PLA2G12A: variants seen among roughly 807,000 people sequenced by gnomAD.
PLA2G12A encodes the protein group XIIA secretory phospholipase A2.
Under a neutral mutation model 16.0 loss-of-function variants are expected in PLA2G12A, and 11 were observed. That is an observed-to-expected ratio of 0.69 (90% CI 0.43 to 1.13). The LOEUF (loss-of-function observed/expected upper bound fraction) is 1.13, where lower values mean the gene tolerates loss of function less well. Among genes scored for constraint, PLA2G12A ranks in the 50% most tolerant of loss-of-function variants. The pLI, the probability that PLA2G12A is intolerant of heterozygous loss-of-function variation, is 0.00. For synonymous variants in PLA2G12A, 77 were observed against 93.8 expected (o/e 0.82, Z 1.03); for missense variants, 214 against 237.3 (o/e 0.90, Z 0.65).
chr4:109,722,662 G>A (rs1722826142), intron 1 of PLA2G12A, among the ~76,000 whole-genome samples: 1 of 152,216 alleles, frequency 6.6e-6, no homozygotes, highest in Non-Finnish European at 1.5e-5. Context: ...AAGCCACCCA[G>A]TTTAAGGCAT....
intron 3 of PLA2G12A, among the ~76,000 whole-genome samples, chr4:109,717,088 G>A (rs974568112): frequency 3.9e-5 from 6 of 152,178 alleles, no homozygotes; most frequent in African/African-American, 1.4e-4. Context: ...ACTAGAAAAT[G>A]AGTCCTTATC....
Position 109,714,041 on chromosome 4 carries a change from T to C in PLA2G12A, c.*336A>G. 5.0e-6 allele frequency: 1 copy of C among 200,144 alleles called. No individual in the cohort carries two copies. Among genetic ancestry groups the C allele is most frequent in the Non-Finnish European group, 1.0e-5 (1 of 98,200 alleles). 12.4% of individuals were successfully genotyped at this position (200,144 alleles called of 1,614,324 possible). A position where few individuals can be genotyped will look rare whatever the true frequency, so the allele number is the denominator to read the frequency against. On this transcript the variant is annotated 3_prime_UTR_variant, in exon 4 of 4. Coordinates refer to ENST00000243501, the MANE Select transcript of PLA2G12A (RefSeq NM_030821.5). The stretch of plus-strand genomic sequence containing the variant: ...TGATGAATTTTATATTTGATCTCTT[T>C]TTTTGGTAAATGTGGTTGTGAAAAT...
intron 3 of PLA2G12A, among the ~76,000 whole-genome samples, chr4:109,715,415 T>C (rs139141463): frequency 2.6e-5 from 4 of 152,222 alleles, no homozygotes; most frequent in Non-Finnish European, 5.9e-5. Context: ...TATGGGAGCA[T>C]ATAAATCAAA....
chr4:109,711,969 G>A lies in PLA2G12A; in HGVS notation c.*2408C>T, dbSNP rs1730738915. ...AAACATCAGACAAACCCAAATTGAG[G>A]AATATTCTACAAAACACCTGACCAG... On this transcript the variant is annotated 3_prime_UTR_variant, in exon 4 of 4. Coordinates refer to ENST00000243501, the MANE Select transcript of PLA2G12A (RefSeq NM_030821.5). 4 of 152,396 alleles carry A rather than the reference G, an allele frequency of 2.6e-5. No individual in the cohort carries two copies. The highest frequency in any genetic ancestry group is 2.6e-4 in the Admixed American group (4 of 15,246). 9.4% of individuals were successfully genotyped at this position (152,396 alleles called of 1,614,324 possible). A position where few individuals can be genotyped will look rare whatever the true frequency, so the allele number is the denominator to read the frequency against.
At chr4:109,720,595 AAAAAAAAAAATATATATATATATAT>A (rs1265359545) in intron 1 of PLA2G12A, among the ~76,000 whole-genome samples, 2 of 28,714 alleles carry the variant, frequency 7.0e-5, no homozygotes, top group Admixed American at 3.5e-4. Flanking sequence ...AAAAAAAAAA[AAAAAAAAAAATATATATATATATAT>A]ATATATATAT....
At chr4:109,718,894 C>G (rs2126167020) in intron 1 of PLA2G12A, 135 bp from the exon 2 acceptor site, 3 of 615,504 alleles carry the variant, frequency 4.9e-6, no homozygotes, top group Admixed American at 7.1e-5. Context: ...GTGCATATGT[C>G]TTTATTCTGA....
chr4:109,725,067 AATTAAC>A (rs1722903351), intron 1 of PLA2G12A, among the ~76,000 whole-genome samples: 1 of 152,196 alleles, frequency 6.6e-6, no homozygotes, highest in Admixed American at 6.5e-5. Context: ...TTATTGACCT[AATTAAC>A]ATTAACATTA....
intron 3 of PLA2G12A, 128 bp from the exon 4 acceptor site, chr4:109,714,623 A>T: frequency 1.5e-6 from 1 of 663,750 alleles, no homozygotes; most frequent in Non-Finnish European, 2.7e-6. Context: ...TGAAATCACC[A>T]AACTCTCACA....
chr4:109,726,930 T>A (rs1294414456), intron 1 of PLA2G12A, among the ~76,000 whole-genome samples: 1 of 114,322 alleles, frequency 8.7e-6, no homozygotes, highest in Non-Finnish European at 1.9e-5. Flanking sequence ...ATTAACTCAC[T>A]CTTTTTTTTT....
intron 1 of PLA2G12A, among the ~76,000 whole-genome samples, chr4:109,719,027 A>G (rs1730875091): frequency 6.6e-6 from 1 of 152,242 alleles, no homozygotes; most frequent in Non-Finnish European, 1.5e-5. Context: ...TTGTAAGCCT[A>G]TGTCATACGA....
Position 109,714,021 on chromosome 4 carries a change from A to G in PLA2G12A, c.*356T>C, listed in dbSNP as rs1730782918. The G allele has an allele frequency of 5.5e-6, 1 of 183,466 alleles. No individual in the cohort carries two copies. Among genetic ancestry groups the G allele is most frequent in the Non-Finnish European group, 1.1e-5 (1 of 87,378 alleles). The allele number at this position is 183,466 out of a possible 1,614,324, so 11.4% of individuals were successfully genotyped here. On this transcript the variant is annotated 3_prime_UTR_variant, in exon 4 of 4. Coordinates refer to ENST00000243501, the MANE Select transcript of PLA2G12A (RefSeq NM_030821.5). ...ATAATGTTGAACAGACATTATGATG[A>G]ATTTTATATTTGATCTCTTTTTTTG...
rs181769671 is a variant in PLA2G12A, at chr4:109,719,761, A to G, written c.209-1002T>C. ...TCAATAACACTGTCTAAAAAAGCCA[A>G]TGTACAGATCTTAATTTAAAAATAC... On this transcript the variant is annotated intron_variant, in intron 1 of 3. Transcript: ENST00000243501. 2.8e-3 allele frequency among the ~76,000 whole-genome samples: 421 copies of G among 152,334 alleles called. 1 individual carries two copies. The highest frequency in any genetic ancestry group is 0.01 in the Middle Eastern group (3 of 294).
At chr4:109,723,741 A>G (rs1022133876) in intron 1 of PLA2G12A, among the ~76,000 whole-genome samples, 4 of 152,228 alleles carry the variant, frequency 2.6e-5, no homozygotes, top group South Asian at 4.1e-4. Context: ...ACACTAAGAA[A>G]TAGGTCAAGT....
intron 1 of PLA2G12A, among the ~76,000 whole-genome samples, chr4:109,724,933 T>TG (rs1722900190): frequency 6.6e-6 from 1 of 152,124 alleles, no homozygotes; most frequent in South Asian, 2.1e-4. Flanking sequence ...CCAGTGTAAA[T>TG]GGCAAAAGGG....
chr4:109,725,060 T>C (rs1722903231), intron 1 of PLA2G12A, among the ~76,000 whole-genome samples: 1 of 152,186 alleles, frequency 6.6e-6, no homozygotes, highest in Non-Finnish European at 1.5e-5. Context: ...CTAGCATTTA[T>C]TGACCTAATT....
chr4:109,714,571 G>T, intron 3 of PLA2G12A, 76 bp from the exon 4 acceptor site: 1 of 931,802 alleles, frequency 1.1e-6, no homozygotes, highest in Non-Finnish European at 1.8e-6. Context: ...TTACAGCACA[G>T]CAACAAGCAT....
chr4:109,718,414 A>G (rs1730865597), intron 2 of PLA2G12A, among the ~76,000 whole-genome samples: 1 of 152,210 alleles, frequency 6.6e-6, no homozygotes, highest in African/African-American at 2.4e-5. Context: ...TCTAAGTAGT[A>G]GCACTTCTGT....
chr4:109,727,485 CGTAGA>C (rs1561274106), intron 1 of PLA2G12A, among the ~76,000 whole-genome samples: 1 of 152,008 alleles, frequency 6.6e-6, no homozygotes, highest in African/African-American at 2.4e-5. Context: ...GTCCGTTAAA[CGTAGA>C]GTACTTACTA....
chr4:109,718,826 G>A (rs1730873018), intron 1 of PLA2G12A, 67 bp from the exon 2 acceptor site: 1 of 1,039,360 alleles, frequency 9.6e-7, no homozygotes, highest in Admixed American at 2.7e-5. Context: ...TACTCAAAAA[G>A]GTCAATATGC....
Sources: gnomAD v4.1 joint callset for allele counts (sites outside exome capture counted in the v4.1 genomes callset) on GRCh38, gnomAD v4.1.1 for gene constraint, MANE v1.5 for transcripts, NCBI Gene and HGNC (gene_info 2026-07-23, HGNC 2026-07-21) for gene names.